C2orf76: variants seen among roughly 807,000 people sequenced by gnomAD.
The protein encoded by C2orf76 is UPF0538 protein C2orf76.
Under a neutral mutation model 16.9 loss-of-function variants are expected in C2orf76, and 23 were observed. That is an observed-to-expected ratio of 1.36 (90% confidence interval 0.98 to 1.93). The LOEUF (loss-of-function observed/expected upper bound fraction) is 1.93. Ranked by LOEUF, C2orf76 falls within the 30% of genes most tolerant of loss-of-function variation. The pLI is 0.00. For synonymous variants in C2orf76, 48 were observed against 52.3 expected, an observed-to-expected ratio of 0.92 and a Z score of 0.35; for missense variants, 152 against 152.6, an observed-to-expected ratio of 1.00 and a Z score of 0.02.
chr2:119,327,336 A>ATTTTTTTTT (rs34185420), intron 2 of C2orf76, among the ~76,000 whole-genome samples: 2 of 68,692 alleles, frequency 2.9e-5, no homozygotes, highest in Non-Finnish European at 5.0e-5. Context: ...AATTACATGG[A>ATTTTTTTTT]TTTTTTTTTT....
At chr2:119,356,223 T>A (rs537878562) in intron 1 of C2orf76, among the ~76,000 whole-genome samples, 1 of 151,956 alleles carries the variant, frequency 6.6e-6, no homozygotes, top group African/African-American at 2.4e-5. Flanking sequence ...GCCAACATGA[T>A]GAAACCCCAA....
chr2:119,350,439 AG>A (rs1296096427), intron 1 of C2orf76, among the ~76,000 whole-genome samples: 2 of 152,318 alleles, frequency 1.3e-5, no homozygotes, highest in East Asian at 3.9e-4. Flanking sequence ...AGTTCTAGCT[AG>A]TAACTTACCC....
the C2orf76 span, among the ~76,000 whole-genome samples, chr2:119,290,371 T>C: frequency 0.048 from 7,265 of 152,110 alleles, 286 homozygotes; most frequent in East Asian, 0.13. Context: ...TCAACAAATA[T>C]ACAGGGACGT....
At chr2:119,286,668 C>G in the C2orf76 span, among the ~76,000 whole-genome samples, 1 of 152,112 alleles carries the variant, frequency 6.6e-6, no homozygotes, top group African/African-American at 2.4e-5. Flanking sequence ...GGGAGGGATA[C>G]AGCAGTCAGA....
the C2orf76 span, among the ~76,000 whole-genome samples, chr2:119,296,453 C>A: frequency 6.6e-6 from 1 of 152,126 alleles, no homozygotes; most frequent in Non-Finnish European, 1.5e-5. Context: ...GACAAGATTG[C>A]TGGACAACTT....
rs545071973 is a variant in C2orf76, at chr2:119,315,117, T to A, written c.222+2349A>T. ...CACACATAAAATGGAAATTAAAGTT[T>A]TTATTTCAATCTTAATAGAAATTAT... On this transcript the variant is annotated intron_variant, in intron 4 of 5. Coordinates refer to ENST00000334816, the MANE Select transcript of C2orf76 (RefSeq NM_001322331.2). Among the ~76,000 whole-genome samples, 8 of 152,304 alleles carry A rather than the reference T, an allele frequency of 5.3e-5. No individual in the cohort carries two copies. The East Asian group carries it at 1.5e-3, about 29-fold the overall frequency.
At chr2:119,312,537 A>G (rs1679028554) in intron 4 of C2orf76, among the ~76,000 whole-genome samples, 1 of 152,146 alleles carries the variant, frequency 6.6e-6, no homozygotes, top group South Asian at 2.1e-4. Flanking sequence ...GGCATGAGCC[A>G]CCACACCTGG....
upstream of C2orf76, chr2:119,366,893 C>T: frequency 1.1e-6 from 1 of 944,242 alleles, no homozygotes; most frequent in Non-Finnish European, 1.6e-6. Flanking sequence ...ACGCCCCTAG[C>T]GCATAGCTGG....
At chr2:119,288,156 C>T in the C2orf76 span, among the ~76,000 whole-genome samples, 1 of 109,412 alleles carries the variant, frequency 9.1e-6, no homozygotes, top group South Asian at 3.2e-4. Flanking sequence ...AATTATACTT[C>T]AATTTTTTTT....
chr2:119,349,926 C>A (rs1337419918), intron 1 of C2orf76, among the ~76,000 whole-genome samples: 1 of 152,080 alleles, frequency 6.6e-6, no homozygotes, highest in African/African-American at 2.4e-5. Flanking sequence ...CATAAATGTT[C>A]TTTTTAAAAT....
At chr2:119,347,351 A>G (rs886543527) in intron 1 of C2orf76, among the ~76,000 whole-genome samples, 9 of 152,234 alleles carry the variant, frequency 5.9e-5, no homozygotes, top group Non-Finnish European at 1.0e-4. Flanking sequence ...AAGAGACTTA[A>G]AAGAGCTAAT....
At chr2:119,302,219 C>A (rs1678636957), downstream of C2orf76, 1 of 291,832 alleles carries the variant, frequency 3.4e-6, no homozygotes, top group Non-Finnish European at 6.3e-6. Flanking sequence ...AATCAATATT[C>A]CACAATAATT....
At chr2:119,359,152 A>G (rs1406439310) in intron 1 of C2orf76, among the ~76,000 whole-genome samples, 1 of 152,194 alleles carries the variant, frequency 6.6e-6, no homozygotes, top group Non-Finnish European at 1.5e-5. Flanking sequence ...TATAAGCGGA[A>G]CAACAAAGTC....
intron 3 of C2orf76, among the ~76,000 whole-genome samples, chr2:119,318,691 A>G (rs6707094): frequency 0.3 from 45,286 of 151,804 alleles, 8,473 homozygotes; most frequent in African/African-American, 0.53. Flanking sequence ...CACCACACCT[A>G]GCTAATTTTT....
intron 1 of C2orf76, among the ~76,000 whole-genome samples, chr2:119,360,993 T>C (rs1680727419): frequency 6.6e-6 from 1 of 152,206 alleles, no homozygotes; most frequent in Non-Finnish European, 1.5e-5. Context: ...TAGGTAGTGG[T>C]TGTGGCCACA....
chr2:119,356,279 G>T (rs1680567499), intron 1 of C2orf76, among the ~76,000 whole-genome samples: 1 of 151,706 alleles, frequency 6.6e-6, no homozygotes, highest in Non-Finnish European at 1.5e-5. Flanking sequence ...GGCAGGCACT[G>T]TAATCCCAGC....
chr2:119,307,394 G>A (rs932909140), intron 5 of C2orf76, among the ~76,000 whole-genome samples: 3 of 151,398 alleles, frequency 2.0e-5, no homozygotes, highest in South Asian at 2.1e-4. Flanking sequence ...AGCCGAGATC[G>A]TGCCACTGCA....
intron 1 of C2orf76, among the ~76,000 whole-genome samples, chr2:119,342,815 C>A (rs982960494): frequency 3.0e-4 from 46 of 151,654 alleles, no homozygotes; most frequent in African/African-American, 1.1e-3. Flanking sequence ...GGCTGGAGTG[C>A]GGTGGTGCCA....
chr2:119,364,723 C>T (rs34660265), intron 1 of C2orf76, among the ~76,000 whole-genome samples: 32,110 of 151,844 alleles, frequency 0.21, 3,658 homozygotes, highest in Middle Eastern at 0.28. Context: ...CAACATGTTA[C>T]GGTGGCTAAC....
Sources: gnomAD v4.1 joint callset for allele counts (sites outside exome capture counted in the v4.1 genomes callset) on GRCh38, gnomAD v4.1.1 for gene constraint, MANE v1.5 for transcripts, NCBI Gene and HGNC (gene_info 2026-07-23, HGNC 2026-07-21) for gene names.